The following TNFAIP8 variants were observed in gnomAD, a reference collection of about 807,000 sequenced individuals.
The protein encoded by TNFAIP8 is tumor necrosis factor alpha-induced protein 8.
In TNFAIP8, 7 loss-of-function variants were observed where a neutral mutation model predicts 13.3. The observed-to-expected ratio is 0.52, with a 90% CI of 0.30 to 0.99. TNFAIP8 has a LOEUF of 0.99. Among genes scored for constraint, TNFAIP8 ranks in the 50% least tolerant of loss-of-function variants. The probability of loss-of-function intolerance (pLI) is 0.07; values close to 1 mark genes in which losing one functional copy is unlikely to be tolerated. For synonymous variants in TNFAIP8, 94 were observed against 87.6 expected, an observed-to-expected ratio of 1.07 and a Z score of -0.41; for missense variants, 258 against 236.9, an observed-to-expected ratio of 1.09 and a Z score of -0.58.
chr5:119,343,969 A>C (rs538919369), intron 1 of TNFAIP8, among the ~76,000 whole-genome samples: 1 of 152,226 alleles, frequency 6.6e-6, no homozygotes, highest in Admixed American at 6.5e-5. Flanking sequence ...CAAACCACTC[A>C]TATCTATGTG....
chr5:119,279,378 A>T (rs1748561683), intron 1 of TNFAIP8, among the ~76,000 whole-genome samples: 1 of 152,094 alleles, frequency 6.6e-6, no homozygotes, highest in African/African-American at 2.4e-5. Flanking sequence ...GCTTGTCTCC[A>T]TGTTTCATTC....
chr5:119,295,540 G>C (rs540769036), intron 1 of TNFAIP8, among the ~76,000 whole-genome samples: 2 of 152,216 alleles, frequency 1.3e-5, no homozygotes, highest in East Asian at 1.9e-4. Flanking sequence ...TAGCCTTGTA[G>C]TATAGTTTGA....
chr5:119,292,652 A>ATC, intron 1 of TNFAIP8, among the ~76,000 whole-genome samples: 1 of 23,078 alleles, frequency 4.3e-5, no homozygotes, highest in Non-Finnish European at 8.4e-5. Flanking sequence ...TAGCATATAT[A>ATC]TATATATATA....
At chr5:119,273,905 A>T (rs983814789) in intron 1 of TNFAIP8, among the ~76,000 whole-genome samples, 1 of 152,050 alleles carries the variant, frequency 6.6e-6, no homozygotes, top group Non-Finnish European at 1.5e-5. Context: ...GCAACAGCTC[A>T]CTCTGTCAAT....
At chr5:119,308,464 T>C (rs996936342) in intron 1 of TNFAIP8, among the ~76,000 whole-genome samples, 1 of 151,600 alleles carries the variant, frequency 6.6e-6, no homozygotes, top group Non-Finnish European at 1.5e-5. Context: ...TTCCTGCCTC[T>C]TGGCACTGAA....
At chr5:119,357,208 T>G (rs1751463352) in intron 1 of TNFAIP8, among the ~76,000 whole-genome samples, 1 of 152,088 alleles carries the variant, frequency 6.6e-6, no homozygotes, top group African/African-American at 2.4e-5. Context: ...GTGAGGGAAA[T>G]AGTCAATAAA....
At chr5:119,287,821 A>T (rs1748850393) in intron 1 of TNFAIP8, among the ~76,000 whole-genome samples, 1 of 152,158 alleles carries the variant, frequency 6.6e-6, no homozygotes, top group South Asian at 2.1e-4. Context: ...CTTGAAATCC[A>T]CTCTGTTTAG....
At chr5:119,290,835 C>T (rs527623952) in intron 1 of TNFAIP8, among the ~76,000 whole-genome samples, 2 of 152,194 alleles carry the variant, frequency 1.3e-5, no homozygotes, top group African/African-American at 2.4e-5. Flanking sequence ...CAAAGCAGGG[C>T]GGACAGCAGC....
chr5:119,288,391 G>A (rs182315779), intron 1 of TNFAIP8, among the ~76,000 whole-genome samples: 9 of 152,228 alleles, frequency 5.9e-5, no homozygotes, highest in African/African-American at 2.2e-4. Flanking sequence ...TAAAAGGCAC[G>A]GTCTTATTCT....
At chr5:119,383,482 T>G (rs1391724206) in intron 1 of TNFAIP8, among the ~76,000 whole-genome samples, 2 of 152,242 alleles carry the variant, frequency 1.3e-5, no homozygotes, top group Non-Finnish European at 2.9e-5. Context: ...AATGTGTGTG[T>G]GGGAACAAAG....
intron 1 of TNFAIP8, among the ~76,000 whole-genome samples, chr5:119,308,519 C>T (rs769134179): frequency 6.6e-6 from 1 of 150,644 alleles, no homozygotes; most frequent in African/African-American, 2.4e-5. Flanking sequence ...AGGTCTTAAA[C>T]AGTTGGCACT....
At chr5:119,373,989 C>G (rs1252764527) in intron 1 of TNFAIP8, among the ~76,000 whole-genome samples, 2 of 151,958 alleles carry the variant, frequency 1.3e-5, no homozygotes, top group South Asian at 4.2e-4. Context: ...TGAATTATTT[C>G]TTATGGTTTT....
intron 1 of TNFAIP8, among the ~76,000 whole-genome samples, chr5:119,332,344 A>G (rs1425182476): frequency 6.6e-6 from 1 of 152,150 alleles, no homozygotes; most frequent in Non-Finnish European, 1.5e-5. Flanking sequence ...TTCTCATCTT[A>G]CGGAAGTGCA....
rs1753154564 is a variant in TNFAIP8 at position 119,399,687 on chromosome 5, C to A, written c.*6306C>A. 1 of 152,156 alleles carries A rather than the reference C, an allele frequency of 6.6e-6. No individual in the cohort carries two copies. The highest frequency in any genetic ancestry group is 6.6e-5 in the Admixed American group (1 of 15,264). The allele number at this position is 152,156 out of a possible 1,614,324, so 9.4% of individuals were successfully genotyped here. Reference sequence around the variant, plus strand: ...CAATTAAATTCTGAATCTCTTAAATCACTTGATTATTCATGCTGGTTTTAG... The same window carrying A: ...CAATTAAATTCTGAATCTCTTAAATAACTTGATTATTCATGCTGGTTTTAG... On this transcript the variant is annotated 3_prime_UTR_variant, in exon 2 of 2. Coordinates refer to ENST00000504771, the MANE Select transcript of TNFAIP8 (RefSeq NM_014350.4).
At chr5:119,332,465 G>A (rs915371633) in intron 1 of TNFAIP8, among the ~76,000 whole-genome samples, 2 of 152,032 alleles carry the variant, frequency 1.3e-5, no homozygotes, top group African/African-American at 4.8e-5. Context: ...CACTTTTTTT[G>A]CTAGGTGCTT....
At chr5:119,281,657 T>G (rs1032710474) in intron 1 of TNFAIP8, among the ~76,000 whole-genome samples, 6 of 152,240 alleles carry the variant, frequency 3.9e-5, no homozygotes, top group Admixed American at 1.3e-4. Context: ...AAAAATGGTT[T>G]AGTACTTCTG....
chr5:119,271,243 A>G (rs1748283282), intron 1 of TNFAIP8, among the ~76,000 whole-genome samples: 1 of 152,194 alleles, frequency 6.6e-6, no homozygotes. Flanking sequence ...AAACAGTACT[A>G]ATTAGGAAAT....
intron 1 of TNFAIP8, among the ~76,000 whole-genome samples, chr5:119,364,198 A>G (rs1455285674): frequency 3.3e-5 from 5 of 152,132 alleles, no homozygotes; most frequent in African/African-American, 1.2e-4. Flanking sequence ...ACCATTCCCC[A>G]TTCTGGTTTA....
chr5:119,361,181 C>T (rs78616915), intron 1 of TNFAIP8, among the ~76,000 whole-genome samples: 2 of 152,210 alleles, frequency 1.3e-5, no homozygotes, highest in Non-Finnish European at 2.9e-5. Context: ...CCGGTGCACT[C>T]TGGGAGTCAG....
Sources: gnomAD v4.1 joint callset for allele counts (sites outside exome capture counted in the v4.1 genomes callset) on GRCh38, gnomAD v4.1.1 for gene constraint, MANE v1.5 for transcripts, NCBI Gene and HGNC (gene_info 2026-07-23, HGNC 2026-07-21) for gene names.